Variants in ZNF891 observed in about 807,000 individuals in gnomAD.
ZNF891 encodes the protein zinc finger protein 891.
For synonymous variants in ZNF891, 199 were observed against 209.0 expected (o/e 0.95, Z 0.41); for missense variants, 589 against 632.7 (o/e 0.93, Z 0.74).
Position 133,120,535 on chromosome 12 carries a change from A to G in ZNF891, c.1384T>C (p.Cys462Arg). 6.4e-7 allele frequency: 1 copy of G among 1,568,746 alleles called. No homozygotes were observed. The highest frequency in any genetic ancestry group is 8.6e-7 in the Non-Finnish European group (1 of 1,158,050). Residue 462 changes from cysteine (C) to arginine (R), a missense_variant, in exon 2 of 2, where the codon TGC (cysteine) becomes CGC (arginine). By Grantham distance (180) the Cys-to-Arg change is radical. Transcript: ENST00000537226. The part of the protein sequence containing the change: ...KIHTGENVYE[C>R]SDCGKVFSGV... ...CTGAAAACTTTCCCACAGTCACTGC[A>G]TTCATAAACATTCTCTCCGGTATGA...
rs914388029 is a variant in ZNF891, at chr12:133,109,816, T to C, written c.*10468A>G. On this transcript the variant is annotated 3_prime_UTR_variant, in exon 2 of 2. Transcript: ENST00000537226. ...CAAGTCAGGTGTTGGGAAATTATGG[T>C]CTATGGACCAAATCAAGGCCTTTGA... 6.6e-6 allele frequency: 1 copy of C among 152,190 alleles called. No individual in the cohort carries two copies. The highest frequency in any genetic ancestry group is 1.5e-5 in the Non-Finnish European group (1 of 68,042). 9.4% of individuals were successfully genotyped at this position (152,190 alleles called of 1,614,324 possible). A position where few individuals can be genotyped will look rare whatever the true frequency, so the allele number is the denominator to read the frequency against.
At chr12:133,125,751 C>T (rs1955809060) in intron 1 of ZNF891, 1 of 436,172 alleles carries the variant, frequency 2.3e-6, no homozygotes, top group South Asian at 1.8e-5. Context: ...TAGAAGGTAA[C>T]ACACTTGTGC....
Position 133,106,819 on chromosome 12 carries a change from T to C in ZNF891, c.*13465A>G, listed in dbSNP as rs1036329432. The C allele has an allele frequency of 5.6e-6, 3 of 533,864 alleles. No individual in the cohort carries two copies. Among genetic ancestry groups the C allele is most frequent in the Non-Finnish European group, 9.2e-6 (3 of 325,848 alleles). 33.1% of individuals were successfully genotyped at this position (533,864 alleles called of 1,614,324 possible). ...CTGGAGAAAAAAAAACCCAGGAATA[T>C]GTGGAAAAGCCATTAATAACCACTC... On this transcript the variant is annotated 3_prime_UTR_variant, in exon 2 of 2. Coordinates refer to ENST00000537226, the MANE Select transcript of ZNF891 (RefSeq NM_001277291.2).
At position 133,109,840 on chromosome 12, in the gene ZNF891, G is replaced by T. The variant is rs566020497; in HGVS notation, c.*10444C>A. 3.7e-4 allele frequency: 57 copies of T among 152,322 alleles called. No homozygotes were observed. The highest frequency in any genetic ancestry group is 1.3e-3 in the African/African-American group (54 of 41,580). 9.4% of individuals were successfully genotyped at this position (152,322 alleles called of 1,614,324 possible). On this transcript the variant is annotated 3_prime_UTR_variant, in exon 2 of 2. Transcript: ENST00000537226. ...GTCTATGGACCAAATCAAGGCCTTT[G>T]AGCTAAGAATGATTTTAACATCTTT... is the stretch of plus-strand genomic sequence containing the variant.
Position 133,108,573 on chromosome 12 carries a change from T to G in ZNF891, c.*11711A>C, listed in dbSNP as rs1243434964. 6.6e-6 allele frequency: 1 copy of G among 152,134 alleles called. No homozygotes were observed. The highest frequency in any genetic ancestry group is 1.5e-5 in the Non-Finnish European group (1 of 68,030). The allele number at this position is 152,134 out of a possible 1,614,324, so 9.4% of individuals were successfully genotyped here. ...TTACCTCTATAACTGAAGAGTTTAA[T>G]ATACAGCCATAAAGGTTAAACATTT... is the stretch of plus-strand genomic sequence containing the variant. On this transcript the variant is annotated 3_prime_UTR_variant, in exon 2 of 2. Coordinates refer to ENST00000537226, the MANE Select transcript of ZNF891 (RefSeq NM_001277291.2).
At chr12:133,129,375 T>G (rs1955850701) in intron 1 of ZNF891, among the ~76,000 whole-genome samples, 1 of 151,790 alleles carries the variant, frequency 6.6e-6, no homozygotes, top group Non-Finnish European at 1.5e-5. Context: ...GTGGCTCATG[T>G]CTGTAATCCC....
At position 133,105,747 on chromosome 12, in the gene ZNF891, T is replaced by C; in HGVS notation, c.*14537A>G. ...GCTCAACATATGAATATCAGTACTG[T>C]GGAGAGGCCCTATGGATGCCATGAA... On this transcript the variant is annotated 3_prime_UTR_variant, in exon 2 of 2. Transcript: ENST00000537226. 1 of 1,614,128 alleles carries C rather than the reference T, an allele frequency of 6.2e-7. No individual in the cohort carries two copies. Among genetic ancestry groups the C allele is most frequent in the East Asian group, 2.2e-5 (1 of 44,878 alleles).
chr12:133,124,747 CCTTTT>C (rs1555297915), intron 1 of ZNF891, among the ~76,000 whole-genome samples: 1 of 143,102 alleles, frequency 7.0e-6, no homozygotes, highest in Non-Finnish European at 1.5e-5. Context: ...ATATAAAAGG[CCTTTT>C]ATATTGCTCT....
rs1955545405 is a variant in ZNF891 at position 133,105,194 on chromosome 12, C to T, written c.*15090G>A. Among the ~76,000 whole-genome samples, 1 of 152,168 alleles carries T rather than the reference C, an allele frequency of 6.6e-6. No individual in the cohort carries two copies. Among genetic ancestry groups the T allele is most frequent in the African/African-American group, 2.4e-5 (1 of 41,438 alleles). ...ATGAAATTGCCATTTTTAGATAATT[C>T]TGGCAGTAAATACCGTTTAAATGGT... On this transcript the variant is annotated 3_prime_UTR_variant, in exon 2 of 2. Transcript: ENST00000537226.
chr12:133,120,467 T>G lies in ZNF891; in HGVS notation c.1452A>C (p.Gly484=). The G allele has an allele frequency of 1.9e-6, 3 of 1,604,258 alleles. No homozygotes were observed. Among genetic ancestry groups the G allele is most frequent in the Non-Finnish European group, 2.6e-6 (3 of 1,175,782 alleles). The part of the protein sequence containing the change: ...SLRMHIRTHT[G]EKPYECKECR... The stretch of plus-strand genomic sequence containing the variant: ...ATTCCTTACATTCATAGGGTTTCTC[T>G]CCAGTGTGAGTTCTTATATGCATTC... Residue 484 remains glycine (G), a synonymous_variant, in exon 2 of 2, where the codon GGA becomes GGC. Coordinates refer to ENST00000537226, the MANE Select transcript of ZNF891 (RefSeq NM_001277291.2).
Position 133,117,534 on chromosome 12 carries a change from T to C in ZNF891, c.*2750A>G, listed in dbSNP as rs1955722052. On this transcript the variant is annotated 3_prime_UTR_variant, in exon 2 of 2. Transcript: ENST00000537226. ...ATGGTGGGAGTATCCCTCCGCCTCATGGCAAACACCAATACTTTTGTTTGT... is the reference window on the plus strand; with the variant it reads ...ATGGTGGGAGTATCCCTCCGCCTCACGGCAAACACCAATACTTTTGTTTGT... 2 of 152,360 alleles carry C rather than the reference T, an allele frequency of 1.3e-5. No individual in the cohort carries two copies. Among genetic ancestry groups the C allele is most frequent in the African/African-American group, 2.4e-5 (1 of 41,590 alleles). The allele number at this position is 152,360 out of a possible 1,614,324, so 9.4% of individuals were successfully genotyped here.
intron 1 of ZNF891, among the ~76,000 whole-genome samples, chr12:133,124,067 T>G (rs1359000193): frequency 6.6e-6 from 1 of 152,204 alleles, no homozygotes; most frequent in East Asian, 1.9e-4. Context: ...GCAAATACTT[T>G]AAAATGCCTT....
In ZNF891 at chr12:133,113,058, C is replaced by CA. The variant is rs979259383; in HGVS notation, c.*7225dup. The CA allele has an allele frequency of 7.1e-6, 1 of 140,068 alleles. No homozygotes were observed. The highest frequency in any genetic ancestry group is 2.7e-5 in the African/African-American group (1 of 36,554). 8.7% of individuals were successfully genotyped at this position (140,068 alleles called of 1,614,324 possible). The stretch of plus-strand genomic sequence containing the variant: ...TGGGCGACAGAGCAAGACTCTGTCT[C>CA]AAAAAATATATATATATATATTTAT... On this transcript the variant is annotated 3_prime_UTR_variant, in exon 2 of 2. Transcript: ENST00000537226.
In ZNF891 at chr12:133,107,118, C is replaced by T. The variant is rs1483952072; in HGVS notation, c.*13166G>A. 1 of 153,246 alleles carries T rather than the reference C, an allele frequency of 6.5e-6. No individual in the cohort carries two copies. Among genetic ancestry groups the T allele is most frequent in the Admixed American group, 6.5e-5 (1 of 15,402 alleles). The allele number at this position is 153,246 out of a possible 1,614,324, so 9.5% of individuals were successfully genotyped here. ...AAATTCATATTTAAGCAAAGTGATA[C>T]AAACACAGTGATTTGGGAATGCCTT... On this transcript the variant is annotated 3_prime_UTR_variant, in exon 2 of 2. Coordinates refer to ENST00000537226, the MANE Select transcript of ZNF891 (RefSeq NM_001277291.2).
At chr12:133,125,868 G>C (rs1230537921) in intron 1 of ZNF891, 3 of 503,040 alleles carry the variant, frequency 6.0e-6, no homozygotes, top group Non-Finnish European at 1.2e-5. Flanking sequence ...ACCTTGATCA[G>C]GCCTGATGGA....
chr12:133,119,433 C>A lies in ZNF891; in HGVS notation c.*851G>T, dbSNP rs1955735299. On this transcript the variant is annotated 3_prime_UTR_variant, in exon 2 of 2. Transcript: ENST00000537226. ...GCGGTGGTGCCTGTAATCCCAGCTA[C>A]TCAGGAGGCTGAGGCAGGAGAATCA... 6 of 152,278 alleles carry A rather than the reference C, an allele frequency of 3.9e-5. No individual in the cohort carries two copies. 9.4% of individuals were successfully genotyped at this position (152,278 alleles called of 1,614,324 possible). A position where few individuals can be genotyped will look rare whatever the true frequency, so the allele number is the denominator to read the frequency against.
rs1342597945 is a variant in ZNF891 at position 133,111,405 on chromosome 12, T to G, written c.*8879A>C. The stretch of plus-strand genomic sequence containing the variant: ...GTCCCCACAACTGAGGAGGCTGAGG[T>G]AGGAGGATCACATGAGCCCAGAAGG... On this transcript the variant is annotated 3_prime_UTR_variant, in exon 2 of 2. Coordinates refer to ENST00000537226, the MANE Select transcript of ZNF891 (RefSeq NM_001277291.2). 6.6e-6 allele frequency: 1 copy of G among 151,800 alleles called. No individual in the cohort carries two copies. Among genetic ancestry groups the G allele is most frequent in the Non-Finnish European group, 1.5e-5 (1 of 67,960 alleles). The allele number at this position is 151,800 out of a possible 1,614,324, so 9.4% of individuals were successfully genotyped here. A position where few individuals can be genotyped will look rare whatever the true frequency, so the allele number is the denominator to read the frequency against.
Position 133,108,097 on chromosome 12 carries a change from A to G in ZNF891, c.*12187T>C, listed in dbSNP as rs568634875. On this transcript the variant is annotated 3_prime_UTR_variant, in exon 2 of 2. Transcript: ENST00000537226. ...ACATTTAGAAGCTTCTCAAGTTTCCATAAGAGTTGTTTCAGAGAGGCTGAT... is the reference window on the plus strand; with the variant it reads ...ACATTTAGAAGCTTCTCAAGTTTCCGTAAGAGTTGTTTCAGAGAGGCTGAT... The G allele has an allele frequency of 5.3e-5, 8 of 152,312 alleles. No individual in the cohort carries two copies. The highest frequency in any genetic ancestry group is 4.1e-4 in the South Asian group (2 of 4,824). 9.4% of individuals were successfully genotyped at this position (152,312 alleles called of 1,614,324 possible).
Position 133,117,832 on chromosome 12 carries a change from T to A in ZNF891, c.*2452A>T, listed in dbSNP as rs1158484823. ...CAACCATCTTCATTATGTACCACTA[T>A]GTTATTTCCAACTACAATCACAAAT... On this transcript the variant is annotated 3_prime_UTR_variant, in exon 2 of 2. Transcript: ENST00000537226. 5 of 152,252 alleles carry A rather than the reference T, an allele frequency of 3.3e-5. No homozygotes were observed. Among genetic ancestry groups the A allele is most frequent in the Non-Finnish European group, 5.9e-5 (4 of 68,048 alleles). 9.4% of individuals were successfully genotyped at this position (152,252 alleles called of 1,614,324 possible).
Sources: gnomAD v4.1 joint callset for allele counts (sites outside exome capture counted in the v4.1 genomes callset) on GRCh38, gnomAD v4.1.1 for gene constraint, MANE v1.5 for transcripts, NCBI Gene and HGNC (gene_info 2026-07-23, HGNC 2026-07-21) for gene names.